The following EPHB4 variants were observed in gnomAD, a reference collection of about 807,000 sequenced individuals.
EPHB4 encodes ephrin type-B receptor 4.
Under a neutral mutation model 110.6 loss-of-function variants are expected in EPHB4, and 50 were observed. The observed-to-expected ratio is 0.45, with a 90% confidence interval of 0.36 to 0.57. The LOEUF (loss-of-function observed/expected upper bound fraction) is 0.57, where lower values mean the gene tolerates loss of function less well. Ranked by LOEUF, EPHB4 falls within the 20% of genes least tolerant of loss-of-function variation. The probability of loss-of-function intolerance (pLI) is 0.00; values close to 1 mark genes in which losing one functional copy is unlikely to be tolerated. For missense variants in EPHB4, 1,128 were observed against 1,382.1 expected (o/e 0.82, Z 2.91); for synonymous variants, 592 against 578.4 (o/e 1.02, Z -0.34).
chr7:100,818,449 C>T, intron 7 of EPHB4, 71 bp downstream of exon 7: 1 of 1,573,538 alleles, frequency 6.4e-7, no homozygotes, highest in Non-Finnish European at 8.6e-7. Context: ...CAGGTGCCTG[C>T]AACCCAGGTG....
intron 8 of EPHB4, among the ~76,000 whole-genome samples, chr7:100,816,731 C>CATA (rs1813077200): frequency 6.6e-6 from 1 of 152,080 alleles, no homozygotes; most frequent in African/African-American, 2.4e-5. Context: ...TTGGTTTCGA[C>CATA]ATCTTACGTT....
In EPHB4 at chr7:100,817,368, G is replaced by C; in HGVS notation, c.1423-11C>G. Reference sequence around the variant, plus strand: ...GGGACCCTCGGCGCCCTGTCCGGGAGAGGTAGTGGGGTGGCCGTCACCCGG... The same window carrying C: ...GGGACCCTCGGCGCCCTGTCCGGGACAGGTAGTGGGGTGGCCGTCACCCGG... On this transcript the variant is annotated splice_polypyrimidine_tract_variant and intron_variant, in intron 7 of 16. Coordinates refer to ENST00000358173, the MANE Select transcript of EPHB4 (RefSeq NM_004444.5). 1 of 1,552,582 alleles carries C rather than the reference G, an allele frequency of 6.4e-7. No individual in the cohort carries two copies. The highest frequency in any genetic ancestry group is 8.7e-7 in the Non-Finnish European group (1 of 1,152,414).
chr7:100,819,659 C>G lies in EPHB4; in HGVS notation c.1195G>C (p.Asp399His), dbSNP rs1203067767. Residue 399 changes from aspartate to histidine, a missense_variant, in exon 6 of 17, where the codon GAC (aspartate) becomes CAC (histidine). Asp to His is a moderately conservative substitution (Grantham distance 81). Transcript: ENST00000358173. The part of the protein sequence containing the change: ...PWVVVRGLRP[D>H]FTYTFEVTAL... ...GTGACCTCAAAGGTATAGGTGAAGT[C>G]AGGACGTAGCCCTCGAACCACCACC... 6.2e-7 allele frequency: 1 copy of G among 1,613,690 alleles called. No individual in the cohort carries two copies. The highest frequency in any genetic ancestry group is 8.5e-7 in the Non-Finnish European group (1 of 1,179,880).
intron 8 of EPHB4, among the ~76,000 whole-genome samples, chr7:100,815,393 A>G (rs1320341933): frequency 6.6e-6 from 1 of 152,194 alleles, no homozygotes; most frequent in African/African-American, 2.4e-5. Context: ...ATAAACCTTG[A>G]AAACATTCTG....
At chr7:100,814,956 G>A (rs568479778) in intron 8 of EPHB4, among the ~76,000 whole-genome samples, 1 of 152,176 alleles carries the variant, frequency 6.6e-6, no homozygotes, top group South Asian at 2.1e-4. Flanking sequence ...GTTTGAGGCT[G>A]CAATGCACTA....
chr7:100,803,789 G>T (rs942572265), intron 16 of EPHB4, among the ~76,000 whole-genome samples, 199 bp from the exon 17 acceptor site: 2 of 152,182 alleles, frequency 1.3e-5, no homozygotes, highest in African/African-American at 4.8e-5. Context: ...CGCAGAAGGG[G>T]GTAGGGCTGG....
chr7:100,820,318 T>C, intron 4 of EPHB4, 22 bp from the exon 5 acceptor site: 2 of 1,610,216 alleles, frequency 1.2e-6, no homozygotes, highest in Non-Finnish European at 1.7e-6. Context: ...AAAGCATTCA[T>C]CAAAAGCATG....
At position 100,817,306 on chromosome 7, in the gene EPHB4, C is replaced by T. The variant is rs147737164; in HGVS notation, c.1474G>A (p.Ala492Thr). 90 of 1,592,314 alleles carry T rather than the reference C, an allele frequency of 5.7e-5. No individual in the cohort carries two copies. Among genetic ancestry groups the T allele is most frequent in the Non-Finnish European group, 7.4e-5 (87 of 1,170,456 alleles). ...CCCCGCTTCAGCCCCCGCAGCTCTG[C>T]CCGGTTTTCTGACGTCTTCAGGAAC... The part of the protein sequence containing the change: ...VRFLKTSENR[A>T]ELRGLKRGAS... Residue 492 changes from alanine to threonine, a missense_variant, in exon 8 of 17, where the codon GCA (alanine) becomes ACA (threonine). Ala to Thr is a moderately conservative substitution (Grantham distance 58). Around this residue, in one of 3 missense-constraint regions of EPHB4, gnomAD observed 728 missense variants for 828.6 expected, o/e 0.88. Transcript: ENST00000358173.
chr7:100,804,524 A>G (rs1007938839), intron 16 of EPHB4, among the ~76,000 whole-genome samples: 4 of 152,006 alleles, frequency 2.6e-5, no homozygotes, highest in African/African-American at 9.7e-5. Flanking sequence ...CAAGTTGTCC[A>G]CAATGGTCTC....
intron 8 of EPHB4, among the ~76,000 whole-genome samples, chr7:100,814,477 C>T (rs1813020222): frequency 6.6e-6 from 1 of 152,058 alleles, no homozygotes; most frequent in Admixed American, 6.6e-5. Context: ...GGGCTTTCAC[C>T]AGGTTGGACA....
chr7:100,805,460 G>A, intron 15 of EPHB4, 41 bp downstream of exon 15: 2 of 1,534,342 alleles, frequency 1.3e-6, no homozygotes, highest in Non-Finnish European at 1.8e-6. Context: ...AGGAGTGGGG[G>A]CAGAGAGCGG....
chr7:100,823,021 C>A (rs542641225), intron 3 of EPHB4, among the ~76,000 whole-genome samples: 1 of 152,282 alleles, frequency 6.6e-6, no homozygotes, highest in East Asian at 1.9e-4. Context: ...CGTAGTGCCT[C>A]ATGCCTATAA....
At chr7:100,818,714 T>C (rs1278457911) in intron 6 of EPHB4, 70 bp from the exon 7 acceptor site, 27 of 1,502,938 alleles carry the variant, frequency 1.8e-5, no homozygotes, top group Middle Eastern at 1.7e-4. Flanking sequence ...AAAAAATTTT[T>C]TTTTTCGAGA....
Position 100,820,465 on chromosome 7 carries a change from C to CAAAA in EPHB4, c.809-173_809-170dup, listed in dbSNP as rs11447690. On this transcript the variant is annotated intron_variant, in intron 4 of 16. Transcript: ENST00000358173. ...GGGCAACATATCGAGATCCCATCTC[C>CAAAA]AAAAAAAAAAAAAAAAATTCCAGCT... is the stretch of plus-strand genomic sequence containing the variant. 261 of 330,216 alleles carry CAAAA rather than the reference C, an allele frequency of 7.9e-4. 1 individual carries two copies. The highest frequency in any genetic ancestry group is 7.3e-3 in the East Asian group (143 of 19,518). The allele number at this position is 330,216 out of a possible 1,614,324, so 20.5% of individuals were successfully genotyped here.
intron 15 of EPHB4, 25 bp from the exon 16 acceptor site, chr7:100,805,346 T>C (rs769496716): frequency 4.3e-6 from 7 of 1,613,086 alleles, no homozygotes; most frequent in Non-Finnish European, 5.9e-6. Context: ...TGGGGAGGAA[T>C]GCTGAGTACC....
Position 100,822,784 on chromosome 7 carries a change from C to A in EPHB4, c.412-117G>T. The A allele has an allele frequency of 7.2e-7, 1 of 1,392,200 alleles. No homozygotes were observed. The highest frequency in any genetic ancestry group is 9.4e-7 in the Non-Finnish European group (1 of 1,061,672). 86.2% of individuals were successfully genotyped at this position (1,392,200 alleles called of 1,614,324 possible). ...TCCTTGGTTCCCGTTCCAGAATCTT[C>A]CCTCCACCTTCCCCAGGGCACACTT... is the stretch of plus-strand genomic sequence containing the variant. On this transcript the variant is annotated intron_variant, in intron 3 of 16. Transcript: ENST00000358173. The surrounding 1 kb of genome is among the most constrained non-coding windows in gnomAD (Gnocchi z 4.7).
chr7:100,804,224 C>G (rs1812762637), intron 16 of EPHB4, among the ~76,000 whole-genome samples: 1 of 150,426 alleles, frequency 6.6e-6, no homozygotes, highest in South Asian at 2.1e-4. Flanking sequence ...TGCTCTCAAA[C>G]TCCTGGGCTC....
chr7:100,826,911 G>A (rs1813414779), intron 1 of EPHB4, 68 bp downstream of exon 1: 2 of 1,517,926 alleles, frequency 1.3e-6, no homozygotes, highest in Admixed American at 2.0e-5. Flanking sequence ...CCTCCACTCC[G>A]AGGCCCAGAT....
rs763036669 is a variant in EPHB4 at position 100,813,868 on chromosome 7, G to A, written c.1691+51C>T. 17 of 1,609,454 alleles carry A rather than the reference G, an allele frequency of 1.1e-5. No homozygotes were observed. In the Admixed American group the frequency reaches 2.4e-4, roughly 22 times the overall value. ...GGCTTGTCCTGTAGCACCCAGGCAG[G>A]TGGCCATCAACTGAGGGCTTCCAGG... On this transcript the variant is annotated intron_variant, in intron 9 of 16. Transcript: ENST00000358173.
Sources: allele counts gnomAD v4.1 joint callset (sites outside exome capture counted in the v4.1 genomes callset), GRCh38; gene constraint gnomAD v4.1.1; regional missense constraint gnomAD v4.1.1; non-coding constraint Gnocchi (gnomAD v3.1); transcripts MANE v1.5; gene names NCBI Gene and HGNC (gene_info 2026-07-23, HGNC 2026-07-21).